The following AUTS2 variants were observed in gnomAD, a reference collection of about 807,000 sequenced individuals.
AUTS2 encodes activator of transcription and developmental regulator AUTS2.
Under a neutral mutation model 112.4 loss-of-function variants are expected in AUTS2, and 17 were observed. That is an observed-to-expected ratio of 0.15 (90% CI 0.10 to 0.23). The LOEUF (loss-of-function observed/expected upper bound fraction) is 0.23. AUTS2 is among the 10% of genes least tolerant of loss of function. AUTS2 has a pLI of 1.00. For missense variants in AUTS2, 1,510 were observed against 1,701.6 expected (o/e 0.89, Z 1.98); for synonymous variants, 751 against 702.7 (o/e 1.07, Z -1.09).
intron 1 of AUTS2, among the ~76,000 whole-genome samples, chr7:69,786,120 C>G (rs1789362209): frequency 6.6e-6 from 1 of 152,180 alleles, no homozygotes; most frequent in Admixed American, 6.5e-5. Context: ...ACTTGCAAAA[C>G]TTTTCTGTCT....
Position 70,756,407 on chromosome 7 carries a change from G to A in AUTS2, c.743-6463G>A, listed in dbSNP as rs532740841. On this transcript the variant is annotated intron_variant, in intron 6 of 18. Coordinates refer to ENST00000342771, the MANE Select transcript of AUTS2 (RefSeq NM_015570.4). ...GTGTAGGAGTTCATCAGAGTATACC[G>A]AATCTCAACCCTACCAGACCCAGCA... 5.3e-5 allele frequency among the ~76,000 whole-genome samples: 8 copies of A among 152,090 alleles called. No homozygotes were observed. The South Asian group carries it at 1.5e-3, about 28-fold the overall frequency.
At chr7:70,474,401 G>A (rs561717813) in intron 5 of AUTS2, among the ~76,000 whole-genome samples, 18 of 152,260 alleles carry the variant, frequency 1.2e-4, no homozygotes, top group Admixed American at 3.9e-4. Flanking sequence ...TCCAGAGGCC[G>A]ACTCCAGACT....
chr7:69,722,499 T>A (rs1215625042), intron 1 of AUTS2, among the ~76,000 whole-genome samples: 1 of 151,692 alleles, frequency 6.6e-6, no homozygotes, highest in Non-Finnish European at 1.5e-5. Flanking sequence ...CCCAGCTAAT[T>A]TTTTTATTTT....
intron 2 of AUTS2, among the ~76,000 whole-genome samples, chr7:70,005,877 A>C (rs1761301239): frequency 6.6e-6 from 1 of 152,214 alleles, no homozygotes; most frequent in Non-Finnish European, 1.5e-5. Flanking sequence ...TATGTTTAGC[A>C]TATGGGGCAA....
In AUTS2 at chr7:70,011,556, T is replaced by C. The variant is rs143842858; in HGVS notation, c.523-106576T>C. On this transcript the variant is annotated intron_variant, in intron 2 of 18. Coordinates refer to ENST00000342771, the MANE Select transcript of AUTS2 (RefSeq NM_015570.4). The stretch of plus-strand genomic sequence containing the variant: ...ATCCCAGAATAGGTGGCTTAACCAA[T>C]TGTATAATTAAGTTACTTTAATAAT... 3.7e-4 allele frequency among the ~76,000 whole-genome samples: 57 copies of C among 152,306 alleles called. No individual in the cohort carries two copies. In the East Asian group the frequency reaches 0.011, roughly 29 times the overall value.
chr7:70,382,968 T>C (rs1480887296), intron 4 of AUTS2, among the ~76,000 whole-genome samples: 2 of 152,376 alleles, frequency 1.3e-5, no homozygotes, highest in East Asian at 3.9e-4. Flanking sequence ...GATGTTTCTT[T>C]GTGTGTATAC....
At chr7:69,851,726 C>CTA (rs1045710275) in intron 1 of AUTS2, among the ~76,000 whole-genome samples, 10 of 152,238 alleles carry the variant, frequency 6.6e-5, no homozygotes, top group Admixed American at 5.9e-4. Flanking sequence ...AGATTTGCAT[C>CTA]TAAATATTTC....
At chr7:70,003,662 A>C (rs369507031) in intron 2 of AUTS2, among the ~76,000 whole-genome samples, 102 of 126,038 alleles carry the variant, frequency 8.1e-4, no homozygotes, top group Middle Eastern at 0.013. Flanking sequence ...ATATGAATAT[A>C]TATAATATAT....
intron 2 of AUTS2, among the ~76,000 whole-genome samples, chr7:70,106,028 T>G (rs1283671556): frequency 6.6e-6 from 1 of 152,206 alleles, no homozygotes; most frequent in African/African-American, 2.4e-5. Flanking sequence ...AAATGAATGA[T>G]AGTTGGGAAA....
At chr7:70,587,433 C>A (rs1802737279) in intron 5 of AUTS2, among the ~76,000 whole-genome samples, 1 of 152,296 alleles carries the variant, frequency 6.6e-6, no homozygotes, top group African/African-American at 2.4e-5. Context: ...GAGTGCACAT[C>A]TTTCTCTACC....
chr7:69,662,800 T>C (rs969342936), intron 1 of AUTS2, among the ~76,000 whole-genome samples: 1 of 152,200 alleles, frequency 6.6e-6, no homozygotes, highest in African/African-American at 2.4e-5. Flanking sequence ...TAGTAAAATA[T>C]AGTAATCTCT....
rs755558019 is a variant in AUTS2 at position 70,789,858 on chromosome 7, A to C, written c.2642A>C (p.Asn881Thr). ...SSTEQIRAHL[N>T]TEAREKDKPK... is the part of the protein sequence containing the mutation. ...ACTGAACAGATCCGGGCTCATCTGA[A>C]CACTGAGGCTCGGGAGAAGGACAAA... Residue 881 changes from asparagine to threonine, a missense_variant, in exon 19 of 19, where the codon AAC becomes ACC. Transcript: ENST00000342771. The C allele has an allele frequency of 6.2e-7, 1 of 1,614,154 alleles. No individual in the cohort carries two copies. Among genetic ancestry groups the C allele is most frequent in the South Asian group, 1.1e-5 (1 of 91,084 alleles).
At chr7:70,037,143 G>GA (rs996590989) in intron 2 of AUTS2, among the ~76,000 whole-genome samples, 6 of 151,048 alleles carry the variant, frequency 4.0e-5, no homozygotes, top group African/African-American at 1.2e-4. Context: ...AGTCAGACAT[G>GA]AAAAAAAAAT....
chr7:69,657,101 G>A (rs1278992568), intron 1 of AUTS2, among the ~76,000 whole-genome samples: 2 of 152,176 alleles, frequency 1.3e-5, no homozygotes, highest in African/African-American at 4.8e-5. Flanking sequence ...GATGATGTCA[G>A]CTTGGCTCCC....
chr7:70,752,003 G>A (rs1788893477), intron 6 of AUTS2, among the ~76,000 whole-genome samples: 1 of 152,006 alleles, frequency 6.6e-6, no homozygotes, highest in South Asian at 2.1e-4. Flanking sequence ...GGGATTACAG[G>A]TATAAGCTGC....
intron 2 of AUTS2, among the ~76,000 whole-genome samples, chr7:70,030,166 T>G (rs1350105249): frequency 6.6e-6 from 1 of 152,116 alleles, no homozygotes; most frequent in Non-Finnish European, 1.5e-5. Flanking sequence ...ATCACAGGTG[T>G]TGTTGTGGAT....
At chr7:70,070,536 G>A (rs1200322023) in intron 2 of AUTS2, among the ~76,000 whole-genome samples, 1 of 151,798 alleles carries the variant, frequency 6.6e-6, no homozygotes, top group East Asian at 1.9e-4. Context: ...CAGAGATTGC[G>A]CCACTGCACT....
At chr7:70,725,810 C>T (rs1361273511) in intron 6 of AUTS2, among the ~76,000 whole-genome samples, 1 of 152,106 alleles carries the variant, frequency 6.6e-6, no homozygotes, top group Non-Finnish European at 1.5e-5. Context: ...ACAGTGCTGT[C>T]CTTAATTGTC....
At chr7:70,157,749 C>T (rs1032659942) in intron 4 of AUTS2, among the ~76,000 whole-genome samples, 22 of 152,186 alleles carry the variant, frequency 1.4e-4, no homozygotes, top group African/African-American at 5.3e-4. Context: ...TGTAGAGCCA[C>T]TGAAGGGTTT....
Sources: gnomAD v4.1 joint callset for allele counts (sites outside exome capture counted in the v4.1 genomes callset) on GRCh38, gnomAD v4.1.1 for gene constraint, MANE v1.5 for transcripts, NCBI Gene and HGNC (gene_info 2026-07-23, HGNC 2026-07-21) for gene names.